Variants in GRIK2 observed in about 807,000 individuals in gnomAD.
GRIK2 encodes glutamate receptor ionotropic, kainate 2.
Under a neutral mutation model 100.3 loss-of-function variants are expected in GRIK2, and 32 were observed. The ratio of observed to expected loss-of-function variants is 0.32; its 90% confidence interval spans 0.24 to 0.43. The LOEUF is 0.43. Ranked by LOEUF, GRIK2 falls within the 20% of genes least tolerant of loss-of-function variation. The pLI is 1.00. For synonymous variants in GRIK2, 417 were observed against 389.4 expected, an observed-to-expected ratio of 1.07 and a Z score of -0.83; for missense variants, 843 against 1,114.9, an observed-to-expected ratio of 0.76 and a Z score of 3.47.
chr6:101,556,059 A>G lies in GRIK2; in HGVS notation c.116-65890A>G, dbSNP rs185749766. Among the ~76,000 whole-genome samples, 51 of 152,176 alleles carry G rather than the reference A, an allele frequency of 3.4e-4. No individual in the cohort carries two copies. The East Asian group carries it at 9.3e-3, about 28-fold the overall frequency. ...TTTTGTCAGTAGGCTCTCTTGAATT[A>G]CTACATTTTTATTTTTAGTGATTAT... On this transcript the variant is annotated intron_variant, in intron 2 of 16. Transcript: ENST00000369134.
chr6:101,517,137 G>A (rs1211071950), intron 2 of GRIK2, among the ~76,000 whole-genome samples: 2 of 151,854 alleles, frequency 1.3e-5, no homozygotes, highest in Non-Finnish European at 2.9e-5. Flanking sequence ...TATTTAATAG[G>A]AAACATTATA....
At chr6:101,665,126 C>T (rs1769922927) in intron 4 of GRIK2, among the ~76,000 whole-genome samples, 1 of 152,130 alleles carries the variant, frequency 6.6e-6, no homozygotes, top group African/African-American at 2.4e-5. Flanking sequence ...CAGTTTAGCC[C>T]TGGCTATGAC....
At chr6:101,676,174 G>A (rs1416182425) in intron 4 of GRIK2, among the ~76,000 whole-genome samples, 2 of 152,118 alleles carry the variant, frequency 1.3e-5, no homozygotes, top group African/African-American at 2.4e-5. Context: ...ACGTGTTATG[G>A]AAAAACAGTA....
intron 14 of GRIK2, among the ~76,000 whole-genome samples, chr6:101,947,677 G>T (rs1361099857): frequency 6.6e-6 from 1 of 152,148 alleles, no homozygotes; most frequent in East Asian, 1.9e-4. Flanking sequence ...ATAAAAATGT[G>T]TTGGATACTG....
At chr6:101,575,582 T>C (rs1431899307) in intron 2 of GRIK2, among the ~76,000 whole-genome samples, 1 of 152,030 alleles carries the variant, frequency 6.6e-6, no homozygotes, top group Non-Finnish European at 1.5e-5. Context: ...GTGGTTTTGT[T>C]GAATCATGAT....
chr6:101,836,659 A>ATTTTT (rs1239661989), intron 10 of GRIK2, among the ~76,000 whole-genome samples: 1,490 of 59,996 alleles, frequency 0.025, 147 homozygotes, highest in Middle Eastern at 0.05. Context: ...ATATATATAT[A>ATTTTT]TATTTTTTTT....
intron 7 of GRIK2, among the ~76,000 whole-genome samples, chr6:101,726,754 CTT>C (rs1476049282): frequency 1.3e-5 from 2 of 151,942 alleles, no homozygotes; most frequent in African/African-American, 2.4e-5. Flanking sequence ...AATTACGTGT[CTT>C]TTATACACGC....
intron 16 of GRIK2, among the ~76,000 whole-genome samples, chr6:102,064,324 C>T (rs540023681): frequency 8.8e-5 from 13 of 148,052 alleles, no homozygotes; most frequent in African/African-American, 2.5e-4. Context: ...CTCCTCCTTC[C>T]TTTCCTTTCC....
At chr6:101,710,762 A>G (rs1340923016) in intron 7 of GRIK2, among the ~76,000 whole-genome samples, 1 of 151,790 alleles carries the variant, frequency 6.6e-6, no homozygotes, top group South Asian at 2.1e-4. Context: ...GCTCAGCACC[A>G]TGCTTTGTTG....
At chr6:101,774,090 T>C (rs1778582704) in intron 7 of GRIK2, among the ~76,000 whole-genome samples, 2 of 152,188 alleles carry the variant, frequency 1.3e-5, no homozygotes, top group African/African-American at 4.8e-5. Flanking sequence ...TGCTATAATT[T>C]AATTTTTAGG....
At chr6:101,406,474 A>G (rs1452837440) in intron 2 of GRIK2, among the ~76,000 whole-genome samples, 1 of 152,162 alleles carries the variant, frequency 6.6e-6, no homozygotes, top group Non-Finnish European at 1.5e-5. Flanking sequence ...CTACTGATAC[A>G]TATACTTCTA....
At chr6:101,625,545 G>A (rs914740652) in intron 3 of GRIK2, among the ~76,000 whole-genome samples, 1 of 151,712 alleles carries the variant, frequency 6.6e-6, no homozygotes, top group African/African-American at 2.4e-5. Context: ...TAAGTTTTGT[G>A]TTCCCAATAA....
intron 2 of GRIK2, among the ~76,000 whole-genome samples, chr6:101,460,242 T>A (rs1771231048): frequency 6.6e-6 from 1 of 152,188 alleles, no homozygotes; most frequent in African/African-American, 2.4e-5. Flanking sequence ...TCTCAAGCAG[T>A]GTGTCATTGT....
intron 10 of GRIK2, among the ~76,000 whole-genome samples, chr6:101,829,982 A>G (rs2128427479): frequency 6.6e-6 from 1 of 152,124 alleles, no homozygotes; most frequent in East Asian, 1.9e-4. Flanking sequence ...AACTCTATAC[A>G]AAAAGAGAAA....
chr6:101,977,162 A>ATT (rs56712029), intron 14 of GRIK2, among the ~76,000 whole-genome samples: 48 of 149,142 alleles, frequency 3.2e-4, no homozygotes, highest in African/African-American at 1.1e-3. Flanking sequence ...GGGATTTATT[A>ATT]TTTTTTTTTT....
intron 12 of GRIK2, among the ~76,000 whole-genome samples, chr6:101,901,514 CATAAA>C (rs1302549763): frequency 1.3e-5 from 2 of 151,624 alleles, no homozygotes; most frequent in Non-Finnish European, 1.5e-5. Context: ...ATAACAATCT[CATAAA>C]ATAATAATCT....
intron 14 of GRIK2, among the ~76,000 whole-genome samples, chr6:101,972,290 C>A (rs767863160): frequency 6.6e-6 from 1 of 151,954 alleles, no homozygotes; most frequent in Non-Finnish European, 1.5e-5. Context: ...TTAATAATCA[C>A]CGTTCTGACG....
intron 15 of GRIK2, among the ~76,000 whole-genome samples, chr6:102,036,137 A>T (rs1459663043): frequency 6.6e-6 from 1 of 151,252 alleles, no homozygotes; most frequent in African/African-American, 2.4e-5. Context: ...ATCAAATGAG[A>T]TAATGAATTG....
At chr6:101,707,563 T>G (rs942132866) in intron 7 of GRIK2, among the ~76,000 whole-genome samples, 1 of 101,790 alleles carries the variant, frequency 9.8e-6, no homozygotes, top group South Asian at 2.8e-4. Flanking sequence ...TGTATATATA[T>G]GTATATATGT....
Sources: allele counts gnomAD v4.1 joint callset (sites outside exome capture counted in the v4.1 genomes callset), GRCh38; gene constraint gnomAD v4.1.1; transcripts MANE v1.5; gene names NCBI Gene and HGNC (gene_info 2026-07-23, HGNC 2026-07-21).